SNTG1: variants seen among roughly 807,000 people sequenced by gnomAD.
SNTG1 encodes gamma-1-syntrophin.
In SNTG1, 39 loss-of-function variants were observed where a neutral mutation model predicts 74.7. The ratio of observed to expected loss-of-function variants is 0.52; its 90% confidence interval spans 0.40 to 0.68. The LOEUF is 0.68. Among genes scored for constraint, SNTG1 ranks in the 30% least tolerant of loss-of-function variants. The pLI is 0.00. For synonymous variants in SNTG1, 254 were observed against 217.1 expected (o/e 1.17, Z -1.49); for missense variants, 685 against 609.5 (o/e 1.12, Z -1.30).
chr8:50,298,117 G>A (rs921600834), intron 2 of SNTG1, among the ~76,000 whole-genome samples: 2 of 151,924 alleles, frequency 1.3e-5, no homozygotes, highest in African/African-American at 4.8e-5. Flanking sequence ...CAAGATAAAG[G>A]CCTGATCCAA....
chr8:49,969,560 C>T (rs1372232530), intron 1 of SNTG1, among the ~76,000 whole-genome samples: 2 of 151,874 alleles, frequency 1.3e-5, no homozygotes, highest in African/African-American at 4.8e-5. Flanking sequence ...CCATGCCCAG[C>T]TAATTTTGGT....
intron 8 of SNTG1, among the ~76,000 whole-genome samples, chr8:50,455,039 G>T (rs992095262): frequency 1.7e-4 from 26 of 151,918 alleles, no homozygotes; most frequent in Admixed American, 1.4e-3. Flanking sequence ...TATTAGAAAG[G>T]GGCAATATGA....
chr8:50,509,102 G>T (rs1221975266), intron 9 of SNTG1, among the ~76,000 whole-genome samples: 1 of 152,160 alleles, frequency 6.6e-6, no homozygotes, highest in Non-Finnish European at 1.5e-5. Context: ...TTTGTATAAG[G>T]TTTATGGAAG....
At chr8:50,164,713 G>A (rs913578595) in intron 1 of SNTG1, among the ~76,000 whole-genome samples, 6 of 152,132 alleles carry the variant, frequency 3.9e-5, no homozygotes, top group African/African-American at 1.4e-4. Flanking sequence ...TAGTGAATGT[G>A]TAAATAGAAG....
chr8:50,076,853 CTTTAT>C (rs1821942363), intron 1 of SNTG1, among the ~76,000 whole-genome samples: 3 of 152,068 alleles, frequency 2.0e-5, no homozygotes, highest in Non-Finnish European at 4.4e-5. Flanking sequence ...ATATCCAGAA[CTTTAT>C]TTTAGTGTGT....
chr8:50,704,682 T>A lies in SNTG1; in HGVS notation c.1121T>A (p.Leu374Gln). ...SGEDLYFSVE[L>Q]ESDLAQWERA... ...GAGGACCTGTACTTCTCAGTGGAGCTGGAAAGTGACCTCGCCCAGTGGGAA... is the reference window on the plus strand; with the variant it reads ...GAGGACCTGTACTTCTCAGTGGAGCAGGAAAGTGACCTCGCCCAGTGGGAA... Residue 374 changes from leucine to glutamine, a missense_variant, in exon 16 of 19, where the codon CTG becomes CAG. Physicochemically the swap from Leu to Gln is moderately radical, Grantham distance 113 (BLOSUM62 -2). Coordinates refer to ENST00000642720, the MANE Select transcript of SNTG1 (RefSeq NM_018967.5). 6.2e-7 allele frequency: 1 copy of A among 1,614,112 alleles called. No homozygotes were observed. Among genetic ancestry groups the A allele is most frequent in the Non-Finnish European group, 8.5e-7 (1 of 1,180,012 alleles).
At chr8:49,990,721 T>C (rs372463347) in intron 1 of SNTG1, among the ~76,000 whole-genome samples, 35 of 152,226 alleles carry the variant, frequency 2.3e-4, no homozygotes, top group African/African-American at 7.5e-4. Flanking sequence ...AAGTGTCTTG[T>C]AAATAAGCAG....
At chr8:50,369,661 A>G (rs1277658794) in intron 2 of SNTG1, among the ~76,000 whole-genome samples, 2 of 151,392 alleles carry the variant, frequency 1.3e-5, no homozygotes, top group Admixed American at 6.6e-5. Flanking sequence ...CCAAGTGAGG[A>G]CACAGCCAGA....
chr8:49,991,377 C>G (rs318865), intron 1 of SNTG1, among the ~76,000 whole-genome samples: 9,470 of 152,206 alleles, frequency 0.062, 993 homozygotes, highest in African/African-American at 0.21. Context: ...TGTGAAAACA[C>G]TCTGGCCGTT....
chr8:50,010,875 C>T (rs1815725372), intron 1 of SNTG1, among the ~76,000 whole-genome samples: 1 of 138,144 alleles, frequency 7.2e-6, no homozygotes, highest in African/African-American at 2.7e-5. Context: ...TTTACTTCAA[C>T]AAATAGAGTT....
intron 18 of SNTG1, among the ~76,000 whole-genome samples, chr8:50,786,858 T>A (rs960827745): frequency 6.6e-6 from 1 of 151,894 alleles, no homozygotes; most frequent in Non-Finnish European, 1.5e-5. Flanking sequence ...ATCAAATATA[T>A]CTAAGAGCTA....
intron 13 of SNTG1, among the ~76,000 whole-genome samples, chr8:50,638,224 A>G (rs2095051154): frequency 6.6e-6 from 1 of 152,066 alleles, no homozygotes; most frequent in East Asian, 1.9e-4. Flanking sequence ...AAGCCTACTG[A>G]TATCTTGACT....
At chr8:50,500,468 G>A (rs1293892989) in intron 8 of SNTG1, among the ~76,000 whole-genome samples, 1 of 151,794 alleles carries the variant, frequency 6.6e-6, no homozygotes, top group East Asian at 1.9e-4. Context: ...AATTTCTTAT[G>A]GCAACATTTT....
intron 15 of SNTG1, among the ~76,000 whole-genome samples, chr8:50,662,595 C>A (rs1478462462): frequency 6.6e-6 from 1 of 152,176 alleles, no homozygotes; most frequent in African/African-American, 2.4e-5. Flanking sequence ...TGTCAAAATT[C>A]TGTGCTCTTG....
chr8:50,679,468 A>G (rs1436078659), intron 15 of SNTG1, among the ~76,000 whole-genome samples: 1 of 152,178 alleles, frequency 6.6e-6, no homozygotes, highest in African/African-American at 2.4e-5. Flanking sequence ...GGTTACTATT[A>G]TCAATAAGTC....
chr8:50,552,474 A>T (rs943877649), intron 11 of SNTG1, among the ~76,000 whole-genome samples: 1 of 152,198 alleles, frequency 6.6e-6, no homozygotes, highest in Non-Finnish European at 1.5e-5. Context: ...AATGGAGAGC[A>T]TGATCATTTA....
At chr8:50,056,732 G>A (rs1820054453) in intron 1 of SNTG1, among the ~76,000 whole-genome samples, 1 of 152,210 alleles carries the variant, frequency 6.6e-6, no homozygotes, top group South Asian at 2.1e-4. Flanking sequence ...AGCACCATCA[G>A]TGTTAGCTGT....
intron 1 of SNTG1, among the ~76,000 whole-genome samples, chr8:50,104,052 G>T (rs1031596550): frequency 1.2e-4 from 19 of 152,248 alleles, no homozygotes; most frequent in Non-Finnish European, 2.4e-4. Context: ...CCCAGCTTTG[G>T]CATCAGGATG....
At chr8:50,253,894 C>T (rs753001044) in intron 2 of SNTG1, among the ~76,000 whole-genome samples, 14 of 150,508 alleles carry the variant, frequency 9.3e-5, no homozygotes, top group East Asian at 5.9e-4. Context: ...GGGAGTAAAG[C>T]GAGGGGAGTA....
Sources: gnomAD v4.1 joint callset for allele counts (sites outside exome capture counted in the v4.1 genomes callset) on GRCh38, gnomAD v4.1.1 for gene constraint, MANE v1.5 for transcripts, NCBI Gene and HGNC (gene_info 2026-07-23, HGNC 2026-07-21) for gene names.